ZNF804B: variants seen among roughly 807,000 people sequenced by gnomAD.
ZNF804B encodes zinc finger protein 804B, also known as zinc finger 804B.
ZNF804B carries 80 observed loss-of-function variants against 101.4 expected under a neutral mutation model. The ratio of observed to expected loss-of-function variants is 0.79; its 90% CI spans 0.66 to 0.95. The LOEUF is 0.95. ZNF804B is among the 40% of genes least tolerant of loss of function. The pLI, the probability that ZNF804B is intolerant of heterozygous loss-of-function variation, is 0.00. For synonymous variants in ZNF804B, 622 were observed against 558.8 expected, an observed-to-expected ratio of 1.11 and a Z score of -1.59; for missense variants, 1,673 against 1,561.9, an observed-to-expected ratio of 1.07 and a Z score of -1.20.
intron 1 of ZNF804B, among the ~76,000 whole-genome samples, chr7:89,070,839 T>C (rs1169031727): frequency 6.6e-6 from 1 of 151,440 alleles, no homozygotes; most frequent in Non-Finnish European, 1.5e-5. Flanking sequence ...AGTCTTCATT[T>C]GTAGAGAAAG....
rs184345994 is a variant in ZNF804B at position 88,964,578 on chromosome 7, T to G, written c.108+204494T>G. ...CATACAGAGTTTCAATTGGGAATGC[T>G]GAAAATTTCTGGAGATAAACAGTGG... On this transcript the variant is annotated intron_variant, in intron 1 of 3. Transcript: ENST00000333190. Among the ~76,000 whole-genome samples, 173 of 151,596 alleles carry G rather than the reference T, an allele frequency of 1.1e-3. 1 individual carries two copies. The highest frequency in any genetic ancestry group is 3.9e-3 in the African/African-American group (163 of 41,482).
At chr7:88,989,630 T>C (rs887035379) in intron 1 of ZNF804B, among the ~76,000 whole-genome samples, 6 of 152,114 alleles carry the variant, frequency 3.9e-5, no homozygotes, top group African/African-American at 1.4e-4. Flanking sequence ...ATCATCACCA[T>C]AGTCAGATAC....
chr7:88,887,192 A>G (rs1359577785), intron 1 of ZNF804B, among the ~76,000 whole-genome samples: 5 of 66,944 alleles, frequency 7.5e-5, no homozygotes, highest in Non-Finnish European at 1.1e-4. Flanking sequence ...ACAAAAATGC[A>G]TTTTTTTCAT....
chr7:88,976,748 C>T (rs1435227769), intron 1 of ZNF804B, among the ~76,000 whole-genome samples: 1 of 151,626 alleles, frequency 6.6e-6, no homozygotes, highest in Non-Finnish European at 1.5e-5. Context: ...TCTGATTGCT[C>T]TAGCTAGGGC....
chr7:89,144,621 G>A (rs1186497550), intron 1 of ZNF804B, among the ~76,000 whole-genome samples: 1 of 151,876 alleles, frequency 6.6e-6, no homozygotes, highest in Non-Finnish European at 1.5e-5. Flanking sequence ...ATAAGATTTA[G>A]TGATCTATTA....
chr7:88,919,655 A>G (rs909040816), intron 1 of ZNF804B, among the ~76,000 whole-genome samples: 3 of 152,180 alleles, frequency 2.0e-5, no homozygotes, highest in South Asian at 4.1e-4. Context: ...GTTTTAGTAC[A>G]GTGTTTCCTG....
intron 1 of ZNF804B, among the ~76,000 whole-genome samples, chr7:88,940,247 G>A (rs1793037303): frequency 6.6e-6 from 1 of 151,630 alleles, no homozygotes; most frequent in Admixed American, 6.6e-5. Flanking sequence ...AAATAAAAAA[G>A]TATAATGGCA....
chr7:89,126,283 A>G lies in ZNF804B; in HGVS notation c.109-91872A>G, dbSNP rs149829909. Among the ~76,000 whole-genome samples, 4 of 152,128 alleles carry G rather than the reference A, an allele frequency of 2.6e-5. No individual in the cohort carries two copies. The East Asian group carries it at 5.8e-4, about 22-fold the overall frequency. On this transcript the variant is annotated intron_variant, in intron 1 of 3. Transcript: ENST00000333190. Reference sequence around the variant, plus strand: ...TGGGTTTTCCCAATATATTTTTGGAATAAAGGTATTTCTCAAATCTCTCTT... The same window carrying G: ...TGGGTTTTCCCAATATATTTTTGGAGTAAAGGTATTTCTCAAATCTCTCTT...
chr7:89,196,424 T>C (rs1040941323), intron 1 of ZNF804B, among the ~76,000 whole-genome samples: 1 of 152,128 alleles, frequency 6.6e-6, no homozygotes, highest in African/African-American at 2.4e-5. Context: ...TGGCTAGCCA[T>C]ATGCAGAAAA....
intron 1 of ZNF804B, among the ~76,000 whole-genome samples, chr7:89,083,070 C>A (rs1323041256): frequency 6.6e-6 from 1 of 151,492 alleles, no homozygotes; most frequent in African/African-American, 2.4e-5. Context: ...TTGTAAATGT[C>A]CTTTGAAGTT....
intron 1 of ZNF804B, among the ~76,000 whole-genome samples, chr7:89,167,219 T>C (rs548925077): frequency 6.6e-6 from 1 of 151,770 alleles, no homozygotes; most frequent in Non-Finnish European, 1.5e-5. Context: ...GTGGATCACC[T>C]GAGGTCAAGA....
chr7:89,196,159 T>C (rs996875287), intron 1 of ZNF804B, among the ~76,000 whole-genome samples: 2 of 151,692 alleles, frequency 1.3e-5, no homozygotes, highest in Admixed American at 6.6e-5. Flanking sequence ...AAACTATACT[T>C]CAAGACTACA....
chr7:89,086,085 C>T (rs771625583), intron 1 of ZNF804B, among the ~76,000 whole-genome samples: 4 of 151,900 alleles, frequency 2.6e-5, no homozygotes, highest in Non-Finnish European at 5.9e-5. Flanking sequence ...GTTGGTGAGG[C>T]AGTTAGGAAA....
At chr7:88,887,944 C>T (rs1017281398) in intron 1 of ZNF804B, among the ~76,000 whole-genome samples, 1 of 151,984 alleles carries the variant, frequency 6.6e-6, no homozygotes, top group African/African-American at 2.4e-5. Context: ...ATTGCTATTT[C>T]AAAAATATAT....
chr7:89,316,971 G>A (rs1275943498), intron 2 of ZNF804B, among the ~76,000 whole-genome samples: 1 of 152,160 alleles, frequency 6.6e-6, no homozygotes, highest in Non-Finnish European at 1.5e-5. Context: ...TTAAAGAGGG[G>A]CCAGCAAACA....
chr7:88,935,642 G>A (rs188466386), intron 1 of ZNF804B, among the ~76,000 whole-genome samples: 40 of 151,932 alleles, frequency 2.6e-4, no homozygotes, highest in Non-Finnish European at 4.9e-4. Flanking sequence ...AATTCCTTCA[G>A]CTAAAAATAC....
intron 1 of ZNF804B, among the ~76,000 whole-genome samples, chr7:89,015,373 A>C (rs1352767482): frequency 1.3e-5 from 2 of 151,298 alleles, no homozygotes; most frequent in Non-Finnish European, 2.9e-5. Flanking sequence ...TTTAGGGTAC[A>C]TGGGCACAAT....
rs184462149 is a variant in ZNF804B, at chr7:88,917,121, C to T, written c.108+157037C>T. ...CTCTACTAAAAATACAAAAATTAGC[C>T]GGATGTGGTGGCAGGTGTGTGTAAT... On this transcript the variant is annotated intron_variant, in intron 1 of 3. Transcript: ENST00000333190. Among the ~76,000 whole-genome samples, 96 of 151,780 alleles carry T rather than the reference C, an allele frequency of 6.3e-4. 2 individuals carry two copies. The East Asian group carries it at 0.015, about 24-fold the overall frequency.
At chr7:89,147,783 T>C (rs1335356666) in intron 1 of ZNF804B, among the ~76,000 whole-genome samples, 2 of 151,834 alleles carry the variant, frequency 1.3e-5, no homozygotes, top group Admixed American at 1.3e-4. Context: ...GGAAGCTAGG[T>C]TGTGCGTTCC....
Sources: gnomAD v4.1 joint callset for allele counts (sites outside exome capture counted in the v4.1 genomes callset) on GRCh38, gnomAD v4.1.1 for gene constraint, MANE v1.5 for transcripts, NCBI Gene and HGNC (gene_info 2026-07-23, HGNC 2026-07-21) for gene names.